Variants in CLEC4E observed in about 807,000 individuals in gnomAD.
CLEC4E encodes the protein C-type lectin domain family 4 member E.
In CLEC4E, 21 loss-of-function variants were observed where a neutral mutation model predicts 24.7. The ratio of observed to expected loss-of-function variants is 0.85; its 90% CI spans 0.60 to 1.22. The LOEUF is 1.22. Among genes scored for constraint, CLEC4E ranks in the 50% most tolerant of loss-of-function variants. The probability of loss-of-function intolerance (pLI) is 0.00; values close to 1 mark genes in which losing one functional copy is unlikely to be tolerated. For synonymous variants in CLEC4E, 94 were observed against 85.7 expected (o/e 1.10, Z -0.54); for missense variants, 249 against 254.1 (o/e 0.98, Z 0.14).
chr12:8,535,817 T>A (rs1940604175), intron 5 of CLEC4E, among the ~76,000 whole-genome samples: 1 of 152,236 alleles, frequency 6.6e-6, no homozygotes, highest in African/African-American at 2.4e-5. Flanking sequence ...CCTCATTTCC[T>A]TCAGTTTTGG....
At position 8,540,644 on chromosome 12, in the gene CLEC4E, C is replaced by A. The variant is rs5014225; in HGVS notation, c.37+117G>T. On this transcript the variant is annotated intron_variant, in intron 1 of 5. Coordinates refer to ENST00000299663, the MANE Select transcript of CLEC4E (RefSeq NM_014358.4). ...ATCTCTCTCTCTCTCTTCCTCTGTC[C>A]CCCCACTTTTTTTTTTAACTTCAGT... The A allele has an allele frequency of 0.73, 686,320 of 935,408 alleles. 253,945 individuals carry two copies. Among genetic ancestry groups the A allele is most frequent in the African/African-American group, 0.81 (48,876 of 60,062 alleles). The allele number at this position is 935,408 out of a possible 1,614,324, so 57.9% of individuals were successfully genotyped here.
intron 4 of CLEC4E, 149 bp downstream of exon 4, chr12:8,536,966 G>T: frequency 1.6e-6 from 1 of 613,974 alleles, no homozygotes; most frequent in Non-Finnish European, 2.5e-6. Flanking sequence ...ATTAAGGTAG[G>T]CAGTGACTTT....
Position 8,534,629 on chromosome 12 carries a change from C to G in CLEC4E, c.*9G>C, listed in dbSNP as rs1402113960. 1.3e-5 allele frequency: 21 copies of G among 1,609,026 alleles called. No homozygotes were observed. The highest frequency in any genetic ancestry group is 1.7e-5 in the Non-Finnish European group (20 of 1,176,710). On this transcript the variant is annotated 3_prime_UTR_variant, in exon 6 of 6. Transcript: ENST00000299663. ...CCTTCTTTACACATTTGAGTTGTGC[C>G]TTCTGTTCTTAAAGAGATTTTCCTT...
In CLEC4E at chr12:8,533,432, A is replaced by T. The variant is rs1334579641; in HGVS notation, c.*1206T>A. ...CATTGCAGCACTATTCACAATAGCA[A>T]AAACATGGAATCAATCTAAATGTGA... is the stretch of plus-strand genomic sequence containing the variant. On this transcript the variant is annotated 3_prime_UTR_variant, in exon 6 of 6. Transcript: ENST00000299663. 6.6e-6 allele frequency: 1 copy of T among 152,246 alleles called. No homozygotes were observed. The highest frequency in any genetic ancestry group is 1.5e-5 in the Non-Finnish European group (1 of 68,038). The allele number at this position is 152,246 out of a possible 1,614,324, so 9.4% of individuals were successfully genotyped here. A position where few individuals can be genotyped will look rare whatever the true frequency, so the allele number is the denominator to read the frequency against.
Position 8,534,777 on chromosome 12 carries a change from G to T in CLEC4E, c.521C>A (p.Ala174Asp). 1 of 1,613,918 alleles carries T rather than the reference G, an allele frequency of 6.2e-7. No homozygotes were observed. The highest frequency in any genetic ancestry group is 8.5e-7 in the Non-Finnish European group (1 of 1,179,924). Reference sequence around the variant, plus strand: ...CATGGTGGCACAGTCCTCCAGGGTAGCTATGTTGTTGGGCTCCCCTACATC... The same window carrying T: ...CATGGTGGCACAGTCCTCCAGGGTATCTATGTTGTTGGGCTCCCCTACATC... The part of the protein sequence containing the change: ...FWDVGEPNNI[A>D]TLEDCATMRD... The change falls in exon 6 of 6, where the codon GCT (alanine) becomes GAT (aspartate). Residue 174 changes from alanine (A) to aspartate (D), a missense_variant. Ala to Asp is a moderately radical substitution (Grantham distance 126). Coordinates refer to ENST00000299663, the MANE Select transcript of CLEC4E (RefSeq NM_014358.4).
At chr12:8,535,327 T>C (rs942856189) in intron 5 of CLEC4E, among the ~76,000 whole-genome samples, 1 of 152,168 alleles carries the variant, frequency 6.6e-6, no homozygotes, top group Non-Finnish European at 1.5e-5. Flanking sequence ...TTTAGTTTCC[T>C]CAAATGCTAA....
At position 8,537,183 on chromosome 12, in the gene CLEC4E, C is replaced by A; in HGVS notation, c.304G>T (p.Ala102Ser). The change falls in exon 4 of 6, where the codon GCG becomes TCG. Residue 102 changes from alanine to serine, a missense_variant. By Grantham distance (99) the Ala-to-Ser change is moderately conservative. Coordinates refer to ENST00000299663, the MANE Select transcript of CLEC4E (RefSeq NM_014358.4). ...YFFSTDTISW[A>S]LSLKNCSAMG... is the part of the protein sequence containing the mutation. The stretch of plus-strand genomic sequence containing the variant: ...GCTGAGCAGTTCTTTAAACTTAACG[C>A]CCAGGAAATGGTGTCAGTAGAAAAG... 2 of 1,613,998 alleles carry A rather than the reference C, an allele frequency of 1.2e-6. No homozygotes were observed. Among genetic ancestry groups the A allele is most frequent in the Non-Finnish European group, 1.7e-6 (2 of 1,179,940 alleles).
chr12:8,534,591 T>C lies in CLEC4E; in HGVS notation c.*47A>G. 6.6e-7 allele frequency: 1 copy of C among 1,510,588 alleles called. No homozygotes were observed. Among genetic ancestry groups the C allele is most frequent in the East Asian group, 2.3e-5 (1 of 43,908 alleles). The allele number at this position is 1,510,588 out of a possible 1,614,324, so 93.6% of individuals were successfully genotyped here. A position where few individuals can be genotyped will look rare whatever the true frequency, so the allele number is the denominator to read the frequency against. On this transcript the variant is annotated 3_prime_UTR_variant, in exon 6 of 6. Coordinates refer to ENST00000299663, the MANE Select transcript of CLEC4E (RefSeq NM_014358.4). ...TCGTGTGGGGCGGTGGGTGTGGCCATGTTCTTGCTCTTCCTTCTTTACACA... is the reference window on the plus strand; with the variant it reads ...TCGTGTGGGGCGGTGGGTGTGGCCACGTTCTTGCTCTTCCTTCTTTACACA...
intron 1 of CLEC4E, 59 bp downstream of exon 1, chr12:8,540,702 A>T (rs1940688856): frequency 6.9e-7 from 1 of 1,459,174 alleles, no homozygotes; most frequent in Admixed American, 1.7e-5. Flanking sequence ...CTTTCACCAT[A>T]TTTATCACTT....
In CLEC4E at chr12:8,537,225, GA is replaced by G; in HGVS notation, c.261del (p.Gln88AsnfsTer16). ...GTAGAAAAGAAGTAGCAGCTGGATT[GA>G]AAATATTCCCAGTTCAATGGACAAC... is the stretch of plus-strand genomic sequence containing the variant. ...KNCCPLNWEYFQSSCYFFSTD... is the reference protein window; with the variant it reads ...KNCCPLNWEYXQSSCYFFSTD... On this transcript the variant is annotated frameshift_variant, in exon 4 of 6. Coordinates refer to ENST00000299663, the MANE Select transcript of CLEC4E (RefSeq NM_014358.4). LOFTEE classifies it high-confidence loss of function. The G allele has an allele frequency of 6.2e-7, 1 of 1,613,786 alleles. No homozygotes were observed. The highest frequency in any genetic ancestry group is 8.5e-7 in the Non-Finnish European group (1 of 1,179,748).
chr12:8,540,728 C>T (rs763627458), intron 1 of CLEC4E, 33 bp downstream of exon 1: 1 of 1,575,572 alleles, frequency 6.3e-7, no homozygotes, highest in South Asian at 1.1e-5. Context: ...AAAAAGAGAT[C>T]TATGGAAGGA....
At position 8,534,239 on chromosome 12, in the gene CLEC4E, C is replaced by T. The variant is rs1434107465; in HGVS notation, c.*399G>A. 6.3e-6 allele frequency: 1 copy of T among 159,324 alleles called. No individual in the cohort carries two copies. The highest frequency in any genetic ancestry group is 1.4e-5 in the Non-Finnish European group (1 of 72,926). 9.9% of individuals were successfully genotyped at this position (159,324 alleles called of 1,614,324 possible). ...TATGAAACCAAGAAGAGAAGACAGA[C>T]TTGTCAGAAGCTAGAAAGAAGAGGA... On this transcript the variant is annotated 3_prime_UTR_variant, in exon 6 of 6. Transcript: ENST00000299663.
Position 8,537,185 on chromosome 12 carries a change from C to T in CLEC4E, c.302G>A (p.Trp101Ter). ...TGAGCAGTTCTTTAAACTTAACGCC[C>T]AGGAAATGGTGTCAGTAGAAAAGAA... ...CYFFSTDTIS[W>*]ALSLKNCSAM... The change falls in exon 4 of 6, where the codon TGG becomes TAG. Residue 101 changes from tryptophan to a stop codon, truncating the protein, a stop_gained. Transcript: ENST00000299663. LOFTEE classifies it high-confidence loss of function. 1 of 1,614,034 alleles carries T rather than the reference C, an allele frequency of 6.2e-7. No individual in the cohort carries two copies. The highest frequency in any genetic ancestry group is 8.5e-7 in the Non-Finnish European group (1 of 1,179,936).
Position 8,534,786 on chromosome 12 carries a change from T to C in CLEC4E, c.512A>G (p.Asn171Ser). The C allele has an allele frequency of 1.2e-6, 2 of 1,613,788 alleles. No homozygotes were observed. Among genetic ancestry groups the C allele is most frequent in the Non-Finnish European group, 1.7e-6 (2 of 1,179,886 alleles). Reference protein sequence around the residue: ...SLSFWDVGEPNNIATLEDCAT... With the variant: ...SLSFWDVGEPSNIATLEDCAT... ...ACAGTCCTCCAGGGTAGCTATGTTG[T>C]TGGGCTCCCCTACATCCCAGAAGCT... The change falls in exon 6 of 6, where the codon AAC becomes AGC. Residue 171 changes from asparagine to serine, a missense_variant. Asn to Ser is a conservative substitution (Grantham distance 46). Coordinates refer to ENST00000299663, the MANE Select transcript of CLEC4E (RefSeq NM_014358.4).
At chr12:8,535,536 C>T (rs1460465967) in intron 5 of CLEC4E, among the ~76,000 whole-genome samples, 1 of 151,970 alleles carries the variant, frequency 6.6e-6, no homozygotes, top group East Asian at 1.9e-4. Context: ...GTAACCTGCA[C>T]ATCCTGCACA....
Position 8,540,832 on chromosome 12 carries a change from T to TCTCC in CLEC4E, c.-36_-35insGGAG. The TCTCC allele has an allele frequency of 1.5e-6, 2 of 1,333,308 alleles. No individual in the cohort carries two copies. The highest frequency in any genetic ancestry group is 2.3e-5 in the South Asian group (2 of 85,432). The allele number at this position is 1,333,308 out of a possible 1,614,324, so 82.6% of individuals were successfully genotyped here. A position where few individuals can be genotyped will look rare whatever the true frequency, so the allele number is the denominator to read the frequency against. On this transcript the variant is annotated 5_prime_UTR_variant, in exon 1 of 6. Coordinates refer to ENST00000299663, the MANE Select transcript of CLEC4E (RefSeq NM_014358.4). ...CTCTTTGGTTTTTTGTTTCTCTCTC[T>TCTCC]CTCTTTTTCTCTCCCTCCCTCTCTT...
At chr12:8,535,143 C>T (rs1013332481) in intron 5 of CLEC4E, among the ~76,000 whole-genome samples, 2 of 152,190 alleles carry the variant, frequency 1.3e-5, no homozygotes, top group African/African-American at 2.4e-5. Context: ...TTTCTTCACA[C>T]TCATACCTCA....
rs1337848513 is a variant in CLEC4E, at chr12:8,539,286, T to C, written c.151A>G (p.Thr51Ala). 6.2e-7 allele frequency: 1 copy of C among 1,610,902 alleles called. No homozygotes were observed. The highest frequency in any genetic ancestry group is 2.2e-5 in the East Asian group (1 of 44,806). The change falls in exon 3 of 6, where the codon ACC (threonine) becomes GCC (alanine). Residue 51 changes from threonine to alanine, a missense_variant. Thr to Ala is a moderately conservative substitution (Grantham distance 58). Transcript: ENST00000299663. ...AGCTGAAACTTTTTCTCATCACAGG[T>C]TTGAAAGATGCGAAATGTCACTGTA... ...RCVVTFRIFQ[T>A]CDEKKFQLPE...
At chr12:8,536,887 C>G (rs1412913914) in intron 4 of CLEC4E, among the ~76,000 whole-genome samples, 1 of 152,150 alleles carries the variant, frequency 6.6e-6, no homozygotes, top group Non-Finnish European at 1.5e-5. Flanking sequence ...CTCTTTTTCC[C>G]CTTGCCTAAC....
Sources: gnomAD v4.1 joint callset for allele counts (sites outside exome capture counted in the v4.1 genomes callset) on GRCh38, gnomAD v4.1.1 for gene constraint, MANE v1.5 for transcripts, NCBI Gene and HGNC (gene_info 2026-07-23, HGNC 2026-07-21) for gene names.